Variants in OR9Q1 observed in about 807,000 individuals in gnomAD.
OR9Q1 encodes the protein olfactory receptor family 9 subfamily Q member 1.
For missense variants in OR9Q1, 374 were observed against 378.8 expected, an observed-to-expected ratio of 0.99 and a Z score of 0.11; for synonymous variants, 153 against 148.6, an observed-to-expected ratio of 1.03 and a Z score of -0.22.
rs539479974 is a variant in OR9Q1 at position 58,030,609 on chromosome 11, T to C, written c.-93+6505T>C. ...TTATACTTGTGATGTCTTCTCTCTATCTCTACCTTTTGTCTCACTAACTTA... is the reference window on the plus strand; with the variant it reads ...TTATACTTGTGATGTCTTCTCTCTACCTCTACCTTTTGTCTCACTAACTTA... On this transcript the variant is annotated intron_variant, in intron 1 of 2. Coordinates refer to ENST00000335397, the MANE Select transcript of OR9Q1 (RefSeq NM_001005212.4). Among the ~76,000 whole-genome samples the C allele has an allele frequency of 5.3e-5, 8 of 152,304 alleles. 2 individuals carry two copies. In the East Asian group the frequency reaches 1.5e-3, roughly 29 times the overall value.
At chr11:58,042,807 C>T (rs1321128714) in intron 1 of OR9Q1, among the ~76,000 whole-genome samples, 1 of 152,104 alleles carries the variant, frequency 6.6e-6, no homozygotes, top group African/African-American at 2.4e-5. Context: ...TCGTTTGTAT[C>T]CTCTTTTATT....
At position 58,140,568 on chromosome 11, in the gene OR9Q1, G is replaced by C. The variant is rs992908497; in HGVS notation, c.-14-38863G>C. 1.9e-4 allele frequency among the ~76,000 whole-genome samples: 29 copies of C among 152,182 alleles called. No homozygotes were observed. In the East Asian group the frequency reaches 3.7e-3, roughly 19 times the overall value. ...AATCCTTTCCCCATTGCTTGTTTTT[G>C]TCAGGTTTGTCAAAGGTCAGATAGT... On this transcript the variant is annotated intron_variant, in intron 2 of 2. Coordinates refer to ENST00000335397, the MANE Select transcript of OR9Q1 (RefSeq NM_001005212.4).
chr11:58,069,903 A>C (rs111823020), intron 2 of OR9Q1, among the ~76,000 whole-genome samples: 227 of 131,898 alleles, frequency 1.7e-3, no homozygotes, highest in African/African-American at 6.4e-3. Context: ...CCAAACCAAA[A>C]CAAAACAAAA....
At chr11:58,071,694 GA>G (rs891760411) in intron 2 of OR9Q1, among the ~76,000 whole-genome samples, 20 of 152,248 alleles carry the variant, frequency 1.3e-4, no homozygotes, top group African/African-American at 4.8e-4. Flanking sequence ...CTCCAGATAT[GA>G]GTGGTGTTAT....
At chr11:58,044,109 G>T (rs1319809003) in intron 1 of OR9Q1, 2 of 152,182 alleles carry the variant, frequency 1.3e-5, no homozygotes, top group African/African-American at 4.8e-5. Flanking sequence ...CAAACTCATG[G>T]TTGATAAAAG....
intron 2 of OR9Q1, chr11:58,119,475 G>T: frequency 7.6e-7 from 1 of 1,320,488 alleles, no homozygotes; most frequent in Non-Finnish European, 1.1e-6. Context: ...GTCTGAGGAT[G>T]ATAATGAAAT....
chr11:58,077,812 G>C (rs896568721), intron 2 of OR9Q1: 3 of 152,178 alleles, frequency 2.0e-5, no homozygotes, highest in African/African-American at 7.2e-5. Flanking sequence ...GGTGTTGAAA[G>C]TGGCTCCTGA....
chr11:58,127,230 A>G (rs1854098842), intron 2 of OR9Q1, among the ~76,000 whole-genome samples: 2 of 152,118 alleles, frequency 1.3e-5, no homozygotes. Flanking sequence ...GATTACAGGC[A>G]TGAGCCACCG....
intron 2 of OR9Q1, among the ~76,000 whole-genome samples, chr11:58,062,025 C>T (rs956261259): frequency 4.3e-4 from 66 of 152,010 alleles, no homozygotes; most frequent in Non-Finnish European, 4.9e-4. Flanking sequence ...GGGAACTCAC[C>T]CAGAAATGAC....
intron 1 of OR9Q1, chr11:58,045,172 A>G (rs950765645): frequency 1.3e-5 from 2 of 152,146 alleles, no homozygotes; most frequent in African/African-American, 4.8e-5. Context: ...AATCCAAAAC[A>G]CTTCTGGTCC....
At chr11:58,098,740 GTCT>G (rs1853755529) in intron 2 of OR9Q1, among the ~76,000 whole-genome samples, 1 of 152,082 alleles carries the variant, frequency 6.6e-6, no homozygotes, top group Non-Finnish European at 1.5e-5. Context: ...TCGTTCTTAT[GTCT>G]TCTTTGATTT....
chr11:58,067,859 G>A (rs150921737), intron 2 of OR9Q1, among the ~76,000 whole-genome samples: 33 of 152,328 alleles, frequency 2.2e-4, no homozygotes, highest in Admixed American at 3.9e-4. Flanking sequence ...CTGCAGAAAC[G>A]GGGAAGGGCA....
intron 2 of OR9Q1, chr11:58,077,270 T>G (rs1262871049): frequency 6.6e-6 from 1 of 152,148 alleles, no homozygotes; most frequent in Non-Finnish European, 1.5e-5. Flanking sequence ...AAGGAGCTAC[T>G]GGGGAAGTCA....
In OR9Q1 at chr11:58,098,590, C is replaced by G. The variant is rs184650558; in HGVS notation, c.-15+42643C>G. On this transcript the variant is annotated intron_variant, in intron 2 of 2. Coordinates refer to ENST00000335397, the MANE Select transcript of OR9Q1 (RefSeq NM_001005212.4). ...CGGAGCTTGCAGTGAGCCGAAATCACGTCACTGCACTCCAGCCTGGGCGAC... is the reference window on the plus strand; with the variant it reads ...CGGAGCTTGCAGTGAGCCGAAATCAGGTCACTGCACTCCAGCCTGGGCGAC... 3.9e-3 allele frequency among the ~76,000 whole-genome samples: 593 copies of G among 152,216 alleles called. 2 individuals carry two copies. The highest frequency in any genetic ancestry group is 7.7e-3 in the Admixed American group (117 of 15,286).
intron 2 of OR9Q1, among the ~76,000 whole-genome samples, chr11:58,094,768 C>A (rs1025840942): frequency 6.6e-6 from 1 of 152,084 alleles, no homozygotes; most frequent in Admixed American, 6.5e-5. Flanking sequence ...AACAAAATTG[C>A]CTTTGATTTC....
chr11:58,059,244 G>A (rs1410306119), intron 2 of OR9Q1, among the ~76,000 whole-genome samples: 1 of 152,108 alleles, frequency 6.6e-6, no homozygotes, highest in Non-Finnish European at 1.5e-5. Context: ...ATGTGCTAAC[G>A]GCTTTGTTTC....
At position 58,109,532 on chromosome 11, in the gene OR9Q1, C is replaced by G. The variant is rs1047596635; in HGVS notation, c.-15+53585C>G. Reference sequence around the variant, plus strand: ...TCCACTTGGATTAGAATGATCATCCCCCCATTCCCCAGAAAAGTGACAAGA... The same window carrying G: ...TCCACTTGGATTAGAATGATCATCCGCCCATTCCCCAGAAAAGTGACAAGA... On this transcript the variant is annotated intron_variant, in intron 2 of 2. Transcript: ENST00000335397. 3 of 458,202 alleles carry G rather than the reference C, an allele frequency of 6.5e-6. No homozygotes were observed. The Admixed American group carries it at 7.0e-5, about 11-fold the overall frequency. 28.4% of individuals were successfully genotyped at this position (458,202 alleles called of 1,614,324 possible). A position where few individuals can be genotyped will look rare whatever the true frequency, so the allele number is the denominator to read the frequency against.
chr11:58,151,834 T>G (rs974726197), intron 2 of OR9Q1, among the ~76,000 whole-genome samples: 2 of 152,136 alleles, frequency 1.3e-5, no homozygotes, highest in Non-Finnish European at 2.9e-5. Flanking sequence ...ACTGCCTTGG[T>G]TCTGAAGTTA....
intron 1 of OR9Q1, among the ~76,000 whole-genome samples, chr11:58,042,468 T>G (rs1451018162): frequency 6.6e-6 from 1 of 151,760 alleles, no homozygotes; most frequent in Non-Finnish European, 1.5e-5. Flanking sequence ...ATATGCGGCG[T>G]TATTTCTGAT....
Sources: allele counts gnomAD v4.1 joint callset (sites outside exome capture counted in the v4.1 genomes callset), GRCh38; gene constraint gnomAD v4.1.1; transcripts MANE v1.5; gene names NCBI Gene and HGNC (gene_info 2026-07-23, HGNC 2026-07-21).